The following AP3S2 variants were observed in gnomAD, a reference collection of about 807,000 sequenced individuals.
The protein encoded by AP3S2 is AP-3 complex subunit sigma-2.
Under a neutral mutation model 23.4 loss-of-function variants are expected in AP3S2, and 22 were observed. That is an observed-to-expected ratio of 0.94 (90% confidence interval 0.67 to 1.34). AP3S2 has a LOEUF of 1.34. Ranked by LOEUF, AP3S2 falls within the 40% of genes most tolerant of loss-of-function variation. AP3S2 has a pLI of 0.00. For synonymous variants in AP3S2, 86 were observed against 87.1 expected, an observed-to-expected ratio of 0.99 and a Z score of 0.07; for missense variants, 241 against 236.9, an observed-to-expected ratio of 1.02 and a Z score of -0.11.
intron 4 of AP3S2, among the ~76,000 whole-genome samples, chr15:89,869,034 G>A (rs1256214114): frequency 6.6e-6 from 1 of 151,276 alleles, no homozygotes; most frequent in Non-Finnish European, 1.5e-5. Context: ...GAAGTGAGGA[G>A]CCCCTCTGCC....
At chr15:89,858,493 A>AAGAAAGAGAG (rs1895907201) in intron 4 of AP3S2, among the ~76,000 whole-genome samples, 1 of 60,236 alleles carries the variant, frequency 1.7e-5, no homozygotes, top group African/African-American at 5.0e-5. Flanking sequence ...GAAAGAAAGA[A>AAGAAAGAGAG]AGAGAGAGAG....
chr15:89,852,898 C>G (rs75541600), intron 4 of AP3S2, among the ~76,000 whole-genome samples: 3 of 152,132 alleles, frequency 2.0e-5, no homozygotes, highest in Non-Finnish European at 4.4e-5. Flanking sequence ...TTCAGTATCA[C>G]TGGAGTGTAA....
chr15:89,837,536 A>G (rs1895222818), intron 5 of AP3S2, 79 bp downstream of exon 5: 4 of 1,549,694 alleles, frequency 2.6e-6, no homozygotes, highest in Admixed American at 3.4e-5. Context: ...CAGCAACACA[A>G]ACCAACACAT....
intron 4 of AP3S2, among the ~76,000 whole-genome samples, chr15:89,844,213 TTCTTTCTTTCTTTCTTTCTTTCTTTC>T (rs1567173690): frequency 5.1e-4 from 5 of 9,728 alleles, no homozygotes; most frequent in Non-Finnish European, 1.3e-3. Flanking sequence ...TTCTTTCTCT[TTCTTTCTTTCTTTCTTTCTTTCTTTC>T]TTTCTTTCTT....
rs766309003 is a variant in AP3S2 at position 89,835,167 on chromosome 15, C to A, written c.*348G>T. ...GAGGAGGTTCTGGGAAGCAGGTGGG[C>A]CTGCTCAATGCAGTCCCTAACCCTT... On this transcript the variant is annotated 3_prime_UTR_variant, in exon 6 of 6. Transcript: ENST00000336418. The A allele has an allele frequency of 5.8e-6, 2 of 343,230 alleles. No individual in the cohort carries two copies. The highest frequency in any genetic ancestry group is 9.7e-5 in the South Asian group (1 of 10,304). 21.3% of individuals were successfully genotyped at this position (343,230 alleles called of 1,614,324 possible).
chr15:89,837,794 T>C (rs1895232706), intron 4 of AP3S2, 72 bp from the exon 5 acceptor site: 1 of 1,582,700 alleles, frequency 6.3e-7, no homozygotes, highest in Admixed American at 1.7e-5. Context: ...AGGTTTCCTT[T>C]TCCTGCAGCA....
At chr15:89,844,257 TTCTTTCTTTCTTTCTC>T (rs141292346) in intron 4 of AP3S2, among the ~76,000 whole-genome samples, 14,268 of 47,542 alleles carry the variant, frequency 0.3, 937 homozygotes, top group East Asian at 0.35. Context: ...CTTTCTTTCT[TTCTTTCTTTCTTTCTC>T]TCTCTCTCTC....
intron 3 of AP3S2, among the ~76,000 whole-genome samples, chr15:89,873,360 C>T (rs1896365572): frequency 1.3e-5 from 2 of 151,564 alleles, no homozygotes. Flanking sequence ...TCTTGGCTCA[C>T]TGCAGCCTCT....
chr15:89,844,249 TTCTTTCTTTCTTTCTTTCTTTCTCTCTC>T (rs1287380782), intron 4 of AP3S2, among the ~76,000 whole-genome samples: 2 of 50,190 alleles, frequency 4.0e-5, no homozygotes, highest in East Asian at 3.4e-4. Context: ...CTTTCTTTCT[TTCTTTCTTTCTTTCTTTCTTTCTCTCTC>T]TCTCTCTTTC....
At chr15:89,858,481 AAGAAAGAAAGAAAG>A (rs1470415901) in intron 4 of AP3S2, among the ~76,000 whole-genome samples, 62 of 36,310 alleles carry the variant, frequency 1.7e-3, no homozygotes, top group African/African-American at 4.5e-3. Context: ...GAAAGAAAGA[AAGAAAGAAAGAAAG>A]AGAGAGAGAG....
At chr15:89,838,046 C>T (rs893617) in intron 4 of AP3S2, 200,528 of 277,252 alleles carry the variant, frequency 0.72, 72,942 homozygotes, top group East Asian at 0.8. Context: ...GTGCTTCAGC[C>T]TCCTTCCAGG....
At chr15:89,837,859 C>T in intron 4 of AP3S2, 137 bp from the exon 5 acceptor site, 1 of 960,266 alleles carries the variant, frequency 1.0e-6, no homozygotes, top group East Asian at 2.7e-5. Flanking sequence ...CTCAAACCCC[C>T]CTGCCCAGTG....
Position 89,875,410 on chromosome 15 carries a change from A to T in AP3S2, c.274-3864T>A, listed in dbSNP as rs1350288609. Among the ~76,000 whole-genome samples, 6 of 152,348 alleles carry T rather than the reference A, an allele frequency of 3.9e-5. No individual in the cohort carries two copies. The East Asian group carries it at 9.6e-4, about 24-fold the overall frequency. ...TTTTTCTTACTCAAAATATTATTCA[A>T]GATCACAATCAAGGTCAAGAGAAAG... On this transcript the variant is annotated intron_variant, in intron 3 of 5. Coordinates refer to ENST00000336418, the MANE Select transcript of AP3S2 (RefSeq NM_005829.5).
At chr15:89,856,572 C>T (rs1301211510) in intron 4 of AP3S2, among the ~76,000 whole-genome samples, 5 of 151,892 alleles carry the variant, frequency 3.3e-5, no homozygotes, top group Non-Finnish European at 5.9e-5. Context: ...CATGGTGGTG[C>T]GCACCTGTAA....
chr15:89,844,586 G>A (rs1240453024), intron 4 of AP3S2, among the ~76,000 whole-genome samples: 1 of 150,962 alleles, frequency 6.6e-6, no homozygotes, highest in African/African-American at 2.4e-5. Flanking sequence ...TGAGCTCAAG[G>A]GATCCTCCCG....
chr15:89,857,613 T>C (rs1192039344), intron 4 of AP3S2, among the ~76,000 whole-genome samples: 1 of 152,246 alleles, frequency 6.6e-6, no homozygotes, highest in African/African-American at 2.4e-5. Context: ...ACTGAAAAGC[T>C]GCCATGTGGG....
chr15:89,871,354 G>T, intron 4 of AP3S2, 121 bp downstream of exon 4: 1 of 870,982 alleles, frequency 1.1e-6, no homozygotes, highest in Non-Finnish European at 1.7e-6. Flanking sequence ...CATGTTCTAG[G>T]ACTATCTTAA....
At chr15:89,893,845 C>T (rs1488992979) in intron 1 of AP3S2, 36 bp downstream of exon 1, 1 of 1,550,942 alleles carries the variant, frequency 6.4e-7, no homozygotes, top group Admixed American at 2.0e-5. Context: ...ATAGTGGGCG[C>T]CCTGAAGGGG....
At chr15:89,843,362 G>T (rs1202105400) in intron 4 of AP3S2, among the ~76,000 whole-genome samples, 1 of 151,972 alleles carries the variant, frequency 6.6e-6, no homozygotes, top group African/African-American at 2.4e-5. Context: ...GCAGGGCCAG[G>T]CCTGGTGGCT....
Sources: gnomAD v4.1 joint callset for allele counts (sites outside exome capture counted in the v4.1 genomes callset) on GRCh38, gnomAD v4.1.1 for gene constraint, MANE v1.5 for transcripts, NCBI Gene and HGNC (gene_info 2026-07-23, HGNC 2026-07-21) for gene names.